GRM7: variants seen among roughly 807,000 people sequenced by gnomAD.
GRM7 encodes the protein metabotropic glutamate receptor 7.
GRM7 carries 35 observed loss-of-function variants against 84.5 expected under a neutral mutation model. The observed-to-expected ratio is 0.41, with a 90% confidence interval of 0.32 to 0.55. The LOEUF is 0.55. Among genes scored for constraint, GRM7 ranks in the 20% least tolerant of loss-of-function variants. GRM7 has a pLI of 0.19. For missense variants in GRM7, 1,003 were observed against 1,194.6 expected (o/e 0.84, Z 2.36); for synonymous variants, 487 against 455.1 (o/e 1.07, Z -0.89).
intron 2 of GRM7, among the ~76,000 whole-genome samples, chr3:7,257,784 C>T (rs961965900): frequency 1.3e-5 from 2 of 152,162 alleles, no homozygotes; most frequent in Non-Finnish European, 2.9e-5. Flanking sequence ...TACATGATCT[C>T]GTGAATCTTT....
chr3:7,303,054 C>T (rs1700063583), intron 3 of GRM7, among the ~76,000 whole-genome samples: 1 of 151,018 alleles, frequency 6.6e-6, no homozygotes, highest in Non-Finnish European at 1.5e-5. Flanking sequence ...CATTCTCCTG[C>T]CTCAGCCTCC....
At chr3:7,288,793 C>T (rs1699518970) in intron 2 of GRM7, among the ~76,000 whole-genome samples, 1 of 151,962 alleles carries the variant, frequency 6.6e-6, no homozygotes, top group South Asian at 2.1e-4. Flanking sequence ...ATGTACACAC[C>T]AGTTACTAGA....
chr3:6,879,038 C>T (rs1695415331), intron 1 of GRM7, among the ~76,000 whole-genome samples: 2 of 152,140 alleles, frequency 1.3e-5, no homozygotes, highest in East Asian at 1.9e-4. Flanking sequence ...AGGGCCTCTA[C>T]CCTAAATTGG....
At chr3:7,449,132 A>G (rs1011753489) in intron 5 of GRM7, among the ~76,000 whole-genome samples, 2 of 152,152 alleles carry the variant, frequency 1.3e-5, no homozygotes, top group East Asian at 1.9e-4. Context: ...TTCATAATAG[A>G]AAGTTGGAAA....
intron 4 of GRM7, among the ~76,000 whole-genome samples, chr3:7,323,410 G>C (rs981751507): frequency 2.0e-5 from 3 of 152,140 alleles, no homozygotes; most frequent in Non-Finnish European, 4.4e-5. Flanking sequence ...GGCATAGTAG[G>C]ATCCTAAATC....
At chr3:7,319,190 A>G (rs1292828830) in intron 4 of GRM7, among the ~76,000 whole-genome samples, 1 of 152,090 alleles carries the variant, frequency 6.6e-6, no homozygotes, top group African/African-American at 2.4e-5. Context: ...GATCGTGATA[A>G]TAGAGATAAG....
chr3:7,631,797 A>C (rs372041896), intron 8 of GRM7, among the ~76,000 whole-genome samples: 1 of 152,102 alleles, frequency 6.6e-6, no homozygotes, highest in Non-Finnish European at 1.5e-5. Context: ...CCAGGGTGAG[A>C]ATAGGGTCAA....
chr3:7,229,726 C>CAT (rs1162837346), intron 2 of GRM7, among the ~76,000 whole-genome samples: 819 of 28,434 alleles, frequency 0.029, 22 homozygotes, highest in Non-Finnish European at 0.042. Flanking sequence ...TAGACACACA[C>CAT]ATATATATAT....
At chr3:7,192,115 G>A (rs1265904771) in intron 2 of GRM7, among the ~76,000 whole-genome samples, 1 of 152,096 alleles carries the variant, frequency 6.6e-6, no homozygotes, top group Non-Finnish European at 1.5e-5. Context: ...GGATGATGTG[G>A]GGGATAGAGA....
At chr3:7,601,437 T>G (rs954717054) in intron 8 of GRM7, among the ~76,000 whole-genome samples, 4 of 152,026 alleles carry the variant, frequency 2.6e-5, no homozygotes, top group African/African-American at 9.7e-5. Flanking sequence ...AAACTTCAGG[T>G]AGTAAATAAG....
intron 2 of GRM7, among the ~76,000 whole-genome samples, chr3:7,227,556 T>C (rs1390995422): frequency 6.6e-6 from 1 of 152,162 alleles, no homozygotes; most frequent in Non-Finnish European, 1.5e-5. Flanking sequence ...ATCTGCAAAA[T>C]GGAAATAAAA....
chr3:6,948,760 T>C (rs1383075315), intron 1 of GRM7, among the ~76,000 whole-genome samples: 1 of 152,218 alleles, frequency 6.6e-6, no homozygotes, highest in African/African-American at 2.4e-5. Context: ...GCATATATAT[T>C]TAGGATAGTT....
intron 1 of GRM7, among the ~76,000 whole-genome samples, chr3:7,142,541 G>A (rs2125063621): frequency 6.6e-6 from 1 of 152,008 alleles, no homozygotes; most frequent in African/African-American, 2.4e-5. Flanking sequence ...GAGGGTGAGG[G>A]AAACTGCTCT....
At chr3:6,976,840 C>T (rs935978629) in intron 1 of GRM7, among the ~76,000 whole-genome samples, 1 of 152,146 alleles carries the variant, frequency 6.6e-6, no homozygotes. Flanking sequence ...AAAAGATATT[C>T]TTGACAGCAG....
intron 2 of GRM7, among the ~76,000 whole-genome samples, chr3:7,165,758 CT>C (rs1035881564): frequency 2.6e-5 from 4 of 152,132 alleles, no homozygotes; most frequent in African/African-American, 4.8e-5. Flanking sequence ...TGCTGTTGCA[CT>C]TTTTTAAAGC....
intron 8 of GRM7, among the ~76,000 whole-genome samples, chr3:7,665,455 G>T (rs930135093): frequency 1.3e-5 from 2 of 152,038 alleles, no homozygotes; most frequent in Non-Finnish European, 2.9e-5. Flanking sequence ...GATTACAAGC[G>T]TGAGCCACCG....
At chr3:7,002,516 C>T (rs1249813222) in intron 1 of GRM7, among the ~76,000 whole-genome samples, 1 of 152,066 alleles carries the variant, frequency 6.6e-6, no homozygotes, top group Non-Finnish European at 1.5e-5. Context: ...TTATTGAACA[C>T]CTGCTGTATC....
rs182737153 is a variant in GRM7 at position 7,613,874 on chromosome 3, A to G, written c.2451+34517A>G. ...GAAAACATTTTTAGTAGAAGTTTTG[A>G]TACCACTGTTGTTTAACTTGGGTCA... is the stretch of plus-strand genomic sequence containing the variant. On this transcript the variant is annotated intron_variant, in intron 8 of 9. Transcript: ENST00000357716. Among the ~76,000 whole-genome samples the G allele has an allele frequency of 1.4e-4, 22 of 152,342 alleles. 1 individual carries two copies. The East Asian group carries it at 4.0e-3, about 28-fold the overall frequency.
At chr3:6,981,217 T>C (rs986088528) in intron 1 of GRM7, among the ~76,000 whole-genome samples, 1 of 152,268 alleles carries the variant, frequency 6.6e-6, no homozygotes, top group Non-Finnish European at 1.5e-5. Context: ...GAATCATTTA[T>C]AATTTAGATA....
Sources: gnomAD v4.1 joint callset for allele counts (sites outside exome capture counted in the v4.1 genomes callset) on GRCh38, gnomAD v4.1.1 for gene constraint, MANE v1.5 for transcripts, NCBI Gene and HGNC (gene_info 2026-07-23, HGNC 2026-07-21) for gene names.